Variants in METTL25 observed in about 807,000 individuals in gnomAD.
METTL25 encodes probable methyltransferase-like protein 25.
A neutral mutation model predicts 71.6 loss-of-function variants in METTL25; 64 were observed. The observed-to-expected ratio is 0.89, with a 90% CI of 0.73 to 1.10. The LOEUF (loss-of-function observed/expected upper bound fraction) is 1.10, where lower values mean the gene tolerates loss of function less well. Among genes scored for constraint, METTL25 ranks in the 50% least tolerant of loss-of-function variants. METTL25 has a pLI of 0.00. For synonymous variants in METTL25, 287 were observed against 250.3 expected (o/e 1.15, Z -1.38); for missense variants, 807 against 707.0 (o/e 1.14, Z -1.60).
At chr12:82,444,733 T>C (rs1160182444) in intron 8 of METTL25, among the ~76,000 whole-genome samples, 1 of 151,872 alleles carries the variant, frequency 6.6e-6, no homozygotes, top group Admixed American at 6.6e-5. Flanking sequence ...TCAATAGCAT[T>C]GAAAGTAAAT....
chr12:82,423,412 C>A (rs1309032412), intron 5 of METTL25, among the ~76,000 whole-genome samples: 2 of 152,086 alleles, frequency 1.3e-5, no homozygotes, highest in Non-Finnish European at 1.5e-5. Context: ...TAAAGACTTA[C>A]ATGTTAGACC....
At chr12:82,433,761 T>C (rs758763195) in intron 6 of METTL25, among the ~76,000 whole-genome samples, 7 of 151,602 alleles carry the variant, frequency 4.6e-5, no homozygotes, top group African/African-American at 7.2e-5. Flanking sequence ...TTTAGCTATA[T>C]GTAAACAGTT....
chr12:82,455,087 G>A (rs1357200729), intron 8 of METTL25, among the ~76,000 whole-genome samples: 2 of 151,424 alleles, frequency 1.3e-5, no homozygotes, highest in Admixed American at 6.6e-5. Flanking sequence ...TCCATAAGAC[G>A]GTGAAGAATG....
chr12:82,438,698 T>C lies in METTL25; in HGVS notation c.1405-20T>C, dbSNP rs770784221. The C allele has an allele frequency of 2.8e-6, 4 of 1,443,764 alleles. No homozygotes were observed. Among genetic ancestry groups the C allele is most frequent in the African/African-American group, 2.9e-5 (2 of 68,618 alleles). 89.4% of individuals were successfully genotyped at this position (1,443,764 alleles called of 1,614,324 possible). A position where few individuals can be genotyped will look rare whatever the true frequency, so the allele number is the denominator to read the frequency against. ...GTTTTTTTTGTTTCTTGTGCTTATA[T>C]ATGTCTACATTTTTTTCAGCTGCCT... is the stretch of plus-strand genomic sequence containing the variant. On this transcript the variant is annotated intron_variant, in intron 7 of 11. Transcript: ENST00000248306.
chr12:82,405,819 T>A (rs1053296098), intron 5 of METTL25, among the ~76,000 whole-genome samples: 1 of 152,210 alleles, frequency 6.6e-6, no homozygotes, highest in Non-Finnish European at 1.5e-5. Context: ...CACTTTTGTA[T>A]CTTCAGTACT....
chr12:82,428,764 T>C (rs1426291647), intron 5 of METTL25, among the ~76,000 whole-genome samples: 1 of 63,140 alleles, frequency 1.6e-5, no homozygotes, highest in Admixed American at 2.0e-4. Flanking sequence ...TTAACCTGTC[T>C]GTCTGTGCTC....
At chr12:82,429,411 G>T (rs1270700222) in intron 5 of METTL25, among the ~76,000 whole-genome samples, 2 of 147,940 alleles carry the variant, frequency 1.4e-5, no homozygotes, top group African/African-American at 5.0e-5. Context: ...ATACTCTATT[G>T]TGTATATACC....
chr12:82,447,873 A>G (rs1890872086), intron 8 of METTL25, among the ~76,000 whole-genome samples: 1 of 152,056 alleles, frequency 6.6e-6, no homozygotes, highest in Admixed American at 6.5e-5. Flanking sequence ...TGAGCCACAT[A>G]TTATACTCCA....
intron 9 of METTL25, among the ~76,000 whole-genome samples, chr12:82,471,632 T>C (rs1892574825): frequency 6.6e-6 from 1 of 152,258 alleles, no homozygotes; most frequent in Admixed American, 6.5e-5. Flanking sequence ...CTTTTTCATC[T>C]ATTAGATGTA....
intron 9 of METTL25, among the ~76,000 whole-genome samples, chr12:82,470,530 C>A (rs755651494): frequency 6.6e-6 from 1 of 152,050 alleles, no homozygotes; most frequent in South Asian, 2.1e-4. Context: ...CCAGCAGGCT[C>A]TCTCAACTAA....
At chr12:82,368,942 AGC>A (rs1012885978) in intron 1 of METTL25, among the ~76,000 whole-genome samples, 1 of 152,224 alleles carries the variant, frequency 6.6e-6, no homozygotes, top group Non-Finnish European at 1.5e-5. Flanking sequence ...ATATATTTTC[AGC>A]CAAAGCAGAA....
At chr12:82,472,984 A>G (rs1189235706) in intron 9 of METTL25, among the ~76,000 whole-genome samples, 3 of 152,162 alleles carry the variant, frequency 2.0e-5, no homozygotes, top group Non-Finnish European at 4.4e-5. Context: ...AGGCTTACTC[A>G]TATGAATGAG....
intron 1 of METTL25, among the ~76,000 whole-genome samples, chr12:82,361,114 A>C (rs1227618515): frequency 6.6e-6 from 1 of 152,044 alleles, no homozygotes; most frequent in African/African-American, 2.4e-5. Context: ...CGATTGGTCC[A>C]TTTTACAGAG....
intron 1 of METTL25, among the ~76,000 whole-genome samples, chr12:82,373,139 C>A (rs901859969): frequency 1.3e-5 from 2 of 152,100 alleles, no homozygotes; most frequent in African/African-American, 4.8e-5. Context: ...TAAGCGTTCT[C>A]CTGTTAGTAT....
At chr12:82,405,657 A>G (rs1592666674) in intron 5 of METTL25, among the ~76,000 whole-genome samples, 2 of 152,216 alleles carry the variant, frequency 1.3e-5, no homozygotes, top group African/African-American at 4.8e-5. Context: ...ACTAAAATGA[A>G]TTTGAATAGG....
At position 82,429,379 on chromosome 12, in the gene METTL25, T is replaced by G. The variant is rs1317594432; in HGVS notation, c.1280-1514T>G. The stretch of plus-strand genomic sequence containing the variant: ...CCCATATTGCTGCAAATGTAGGGTT[T>G]TTTTTTTTTTTTGACCAAATAATAC... On this transcript the variant is annotated intron_variant, in intron 5 of 11. Coordinates refer to ENST00000248306, the MANE Select transcript of METTL25 (RefSeq NM_032230.3). Among the ~76,000 whole-genome samples the G allele has an allele frequency of 1.3e-3, 5 of 3,798 alleles. No homozygotes were observed. The East Asian group carries it at 0.33, about 253-fold the overall frequency. 2.5% of individuals were successfully genotyped at this position (3,798 alleles called of 152,430 possible). A position where few individuals can be genotyped will look rare whatever the true frequency, so the allele number is the denominator to read the frequency against.
chr12:82,403,589 A>T (rs1217547381), intron 5 of METTL25, among the ~76,000 whole-genome samples: 5 of 152,222 alleles, frequency 3.3e-5, no homozygotes, highest in Non-Finnish European at 7.3e-5. Context: ...AAGAGTCAAC[A>T]TACCAAAATT....
At chr12:82,382,138 T>C (rs1006416501) in intron 1 of METTL25, among the ~76,000 whole-genome samples, 2 of 152,208 alleles carry the variant, frequency 1.3e-5, no homozygotes, top group Non-Finnish European at 2.9e-5. Context: ...ATGAAAATGT[T>C]CAGTTGAGTT....
At chr12:82,457,263 A>T (rs1335226701) in intron 9 of METTL25, among the ~76,000 whole-genome samples, 1 of 151,950 alleles carries the variant, frequency 6.6e-6, no homozygotes, top group East Asian at 1.9e-4. Context: ...TTAGTAATTG[A>T]TAACATATTA....
Sources: gnomAD v4.1 joint callset for allele counts (sites outside exome capture counted in the v4.1 genomes callset) on GRCh38, gnomAD v4.1.1 for gene constraint, MANE v1.5 for transcripts, NCBI Gene and HGNC (gene_info 2026-07-23, HGNC 2026-07-21) for gene names.